The following PLXNA4 variants were observed in gnomAD, a reference collection of about 807,000 sequenced individuals.
The protein encoded by PLXNA4 is plexin-A4.
A neutral mutation model predicts 191.8 loss-of-function variants in PLXNA4; 44 were observed. The observed-to-expected ratio is 0.23, with a 90% confidence interval of 0.18 to 0.29. PLXNA4 has a LOEUF of 0.29. Ranked by LOEUF, PLXNA4 falls within the 10% of genes least tolerant of loss-of-function variation. The pLI, the probability that PLXNA4 is intolerant of heterozygous loss-of-function variation, is 1.00. For missense variants in PLXNA4, 1,800 were observed against 2,488.8 expected (o/e 0.72, Z 5.89); for synonymous variants, 1,082 against 1,009.5 (o/e 1.07, Z -1.36).
At chr7:132,446,443 G>A (rs1795914784) in intron 3 of PLXNA4, among the ~76,000 whole-genome samples, 1 of 152,262 alleles carries the variant, frequency 6.6e-6, no homozygotes, top group South Asian at 2.1e-4. Context: ...TGAAAAGGGT[G>A]GAACTCATGG....
intron 11 of PLXNA4, 26 bp from the exon 12 acceptor site, chr7:132,202,862 G>C (rs761013358): frequency 6.6e-7 from 1 of 1,513,224 alleles, no homozygotes; most frequent in Non-Finnish European, 8.9e-7. Context: ...GCAAGGACAA[G>C]GGGTGCTTGG....
Position 132,245,380 on chromosome 7 carries a change from G to T in PLXNA4, c.1504-4214C>A, listed in dbSNP as rs117621275. The stretch of plus-strand genomic sequence containing the variant: ...CTTCACCTTCGCTGCTTCTAGAGAT[G>T]GGAGCCCCATCACCTCTGGGGACCT... On this transcript the variant is annotated intron_variant, in intron 4 of 31. Transcript: ENST00000321063. Among the ~76,000 whole-genome samples, 1,261 of 152,300 alleles carry T rather than the reference G, an allele frequency of 8.3e-3. 8 individuals carry two copies. The highest frequency in any genetic ancestry group is 0.041 in the Middle Eastern group (12 of 294).
At chr7:132,386,018 T>C (rs1805122105) in intron 3 of PLXNA4, among the ~76,000 whole-genome samples, 1 of 152,186 alleles carries the variant, frequency 6.6e-6, no homozygotes, top group African/African-American at 2.4e-5. Context: ...ATTTTTAAAC[T>C]TAATTAGCAT....
chr7:132,604,240 G>A (rs2116844217), intron 2 of PLXNA4, among the ~76,000 whole-genome samples: 1 of 152,280 alleles, frequency 6.6e-6, no homozygotes, highest in Non-Finnish European at 1.5e-5. Context: ...TCTCTCTCTG[G>A]ATAGTGGCCC....
chr7:132,298,147 G>A lies in PLXNA4; in HGVS notation c.1447C>T (p.Arg483Trp), dbSNP rs745956274. ...VQVVDPGPVL[R>W]DMAFSKDHEQ... ...TGGTCCTTGGAGAAGGCCATATCCCGGAGGACTGGGCCGGGGTCCACCACC... is the reference window on the plus strand; with the variant it reads ...TGGTCCTTGGAGAAGGCCATATCCCAGAGGACTGGGCCGGGGTCCACCACC... Residue 483 changes from arginine to tryptophan, a missense_variant, in exon 4 of 32, where the codon CGG (arginine) becomes TGG (tryptophan). By Grantham distance (101) the Arg-to-Trp change is moderately radical. Around this residue, in one of 6 missense-constraint regions of PLXNA4, gnomAD observed 1,397 missense variants for 1,880.4 expected, o/e 0.74. Transcript: ENST00000321063. 10 of 1,614,156 alleles carry A rather than the reference G, an allele frequency of 6.2e-6. No individual in the cohort carries two copies. Among genetic ancestry groups the A allele is most frequent in the Admixed American group, 3.3e-5 (2 of 60,028 alleles).
chr7:132,442,075 A>G (rs1029761845), intron 3 of PLXNA4, among the ~76,000 whole-genome samples: 3 of 152,152 alleles, frequency 2.0e-5, no homozygotes, highest in African/African-American at 7.2e-5. Context: ...CCACGTGCTC[A>G]CCCTATCTGG....
intron 4 of PLXNA4, among the ~76,000 whole-genome samples, chr7:132,287,805 G>A (rs1460433818): frequency 6.6e-6 from 1 of 152,170 alleles, no homozygotes; most frequent in Non-Finnish European, 1.5e-5. Context: ...ACCCCGGGAT[G>A]CCCTAGAGGT....
intron 1 of PLXNA4, among the ~76,000 whole-genome samples, chr7:132,530,408 C>A (rs894487186): frequency 6.6e-6 from 1 of 152,202 alleles, no homozygotes; most frequent in African/African-American, 2.4e-5. Context: ...TACAACTCAA[C>A]AACAAACAGA....
At chr7:132,484,205 G>T (rs1797450246) in intron 3 of PLXNA4, among the ~76,000 whole-genome samples, 1 of 152,212 alleles carries the variant, frequency 6.6e-6, no homozygotes, top group African/African-American at 2.4e-5. Flanking sequence ...TAGCAGAAGA[G>T]ATTGAAACAA....
intron 3 of PLXNA4, among the ~76,000 whole-genome samples, chr7:132,431,461 A>G (rs1179120389): frequency 2.6e-5 from 4 of 152,208 alleles, no homozygotes; most frequent in African/African-American, 7.2e-5. Flanking sequence ...GACCTTTGTC[A>G]GGCAAGTCAA....
intron 3 of PLXNA4, among the ~76,000 whole-genome samples, chr7:132,464,415 G>T (rs1420500359): frequency 6.6e-6 from 1 of 152,090 alleles, no homozygotes; most frequent in Non-Finnish European, 1.5e-5. Flanking sequence ...TTGATTGCTG[G>T]GTCTCCACTC....
intron 3 of PLXNA4, among the ~76,000 whole-genome samples, chr7:132,413,023 G>T (rs1794523040): frequency 6.6e-6 from 1 of 151,970 alleles, no homozygotes; most frequent in Non-Finnish European, 1.5e-5. Context: ...GATAGATGGG[G>T]GGTGGAGAGA....
chr7:132,562,665 T>C (rs867437268), intron 1 of PLXNA4, among the ~76,000 whole-genome samples: 29 of 66,428 alleles, frequency 4.4e-4, no homozygotes, highest in East Asian at 1.6e-3. Flanking sequence ...CCTCCTTCTC[T>C]TCCTCCTCCT....
Position 132,507,685 on chromosome 7 carries a change from T to C in PLXNA4, c.1009A>G (p.Thr337Ala). ...GVHPDDDLLF[T>A]VFSKGQKRKM... Reference sequence around the variant, plus strand: ...CGCTTCTGGCCCTTGGAGAAGACGGTGAAGAGCAGGTCATCATCTGGATGG... The same window carrying C: ...CGCTTCTGGCCCTTGGAGAAGACGGCGAAGAGCAGGTCATCATCTGGATGG... Residue 337 changes from threonine to alanine, a missense_variant, in exon 2 of 32, where the codon ACC becomes GCC. By Grantham distance (58) the Thr-to-Ala change is moderately conservative (BLOSUM62 0). Around this residue, in one of 6 missense-constraint regions of PLXNA4, gnomAD observed 1,397 missense variants for 1,880.4 expected, o/e 0.74. Transcript: ENST00000321063. The C allele has an allele frequency of 1.9e-6, 3 of 1,614,140 alleles. No individual in the cohort carries two copies. The highest frequency in any genetic ancestry group is 2.5e-6 in the Non-Finnish European group (3 of 1,180,028).
At chr7:132,288,243 C>T (rs374684050) in intron 4 of PLXNA4, among the ~76,000 whole-genome samples, 53 of 152,286 alleles carry the variant, frequency 3.5e-4, no homozygotes, top group African/African-American at 1.2e-3. Context: ...AAGCCAGTAG[C>T]GTTTTCCAGG....
At chr7:132,369,070 T>C (rs1021722936) in intron 3 of PLXNA4, among the ~76,000 whole-genome samples, 2 of 152,200 alleles carry the variant, frequency 1.3e-5, no homozygotes, top group Non-Finnish European at 2.9e-5. Flanking sequence ...CTGCCTGGCC[T>C]GATGTGTCTG....
chr7:132,203,299 T>A (rs1797504422), intron 11 of PLXNA4, 24 bp downstream of exon 11: 1,327 of 1,113,444 alleles, frequency 1.2e-3, no homozygotes, highest in Non-Finnish European at 1.6e-3. Context: ...CTCCCTCCCC[T>A]GCTAGGCCCC....
At chr7:132,296,123 T>C (rs917724158) in intron 4 of PLXNA4, among the ~76,000 whole-genome samples, 7 of 152,090 alleles carry the variant, frequency 4.6e-5, no homozygotes, top group Non-Finnish European at 1.0e-4. Flanking sequence ...TTTGAGATGG[T>C]CATTTGGGTG....
chr7:132,624,684 A>G (rs967137241), intron 2 of PLXNA4, among the ~76,000 whole-genome samples: 2 of 152,208 alleles, frequency 1.3e-5, no homozygotes, highest in African/African-American at 4.8e-5. Flanking sequence ...CTTGGTCCAT[A>G]TAACTCACAG....
Sources: gnomAD v4.1 joint callset for allele counts (sites outside exome capture counted in the v4.1 genomes callset) on GRCh38, gnomAD v4.1.1 for gene constraint, gnomAD v4.1.1 regional missense constraint, MANE v1.5 for transcripts, NCBI Gene and HGNC (gene_info 2026-07-23, HGNC 2026-07-21) for gene names.